The following OXSR1 variants were observed in gnomAD, a reference collection of about 807,000 sequenced individuals.
OXSR1 encodes the protein oxidative stress responsive kinase 1, also known as serine/threonine-protein kinase OSR1.
OXSR1 carries 24 observed loss-of-function variants against 79.8 expected under a neutral mutation model. The observed-to-expected ratio is 0.30, with a 90% CI of 0.22 to 0.42. The LOEUF (loss-of-function observed/expected upper bound fraction) is 0.42. Among genes scored for constraint, OXSR1 ranks in the 10% least tolerant of loss-of-function variants. OXSR1 has a pLI of 1.00. For missense variants in OXSR1, 430 were observed against 618.4 expected, an observed-to-expected ratio of 0.70 and a Z score of 3.23; for synonymous variants, 226 against 209.2, an observed-to-expected ratio of 1.08 and a Z score of -0.69.
intron 3 of OXSR1, 115 bp downstream of exon 3, chr3:38,190,954 G>A: frequency 1.5e-6 from 1 of 672,216 alleles, no homozygotes; most frequent in Non-Finnish European, 2.7e-6. Flanking sequence ...AGGAGATACT[G>A]AAAATATAGT....
chr3:38,192,384 G>A (rs1702000472), intron 3 of OXSR1, among the ~76,000 whole-genome samples: 1 of 152,038 alleles, frequency 6.6e-6, no homozygotes, highest in South Asian at 2.1e-4. Flanking sequence ...TTTTTCCTCG[G>A]GAATGGTACT....
Position 38,241,814 on chromosome 3 carries a change from T to TA in OXSR1, c.1075-921dup, listed in dbSNP as rs1206939674. On this transcript the variant is annotated intron_variant, in intron 11 of 17. Transcript: ENST00000311806. ...TTACAAAGTTGTTTGTTTTTTTTTT[T>TA]AAAAAAAAGGTTTTGGGTTGGTCAC... 9.3e-5 allele frequency among the ~76,000 whole-genome samples: 14 copies of TA among 151,034 alleles called. No individual in the cohort carries two copies. The East Asian group carries it at 1.4e-3, about 15-fold the overall frequency.
chr3:38,236,150 CATGTT>C (rs1381867146), intron 10 of OXSR1, among the ~76,000 whole-genome samples: 7 of 152,248 alleles, frequency 4.6e-5, no homozygotes, highest in African/African-American at 1.7e-4. Context: ...TATATATAAT[CATGTT>C]ATGTAAACAT....
intron 8 of OXSR1, among the ~76,000 whole-genome samples, chr3:38,225,843 A>G (rs1428293289): frequency 6.6e-6 from 1 of 152,144 alleles, no homozygotes; most frequent in African/African-American, 2.4e-5. Flanking sequence ...CCATGTGAAA[A>G]CTGGAAGTGA....
intron 2 of OXSR1, among the ~76,000 whole-genome samples, chr3:38,184,309 T>C (rs577051993): frequency 3.6e-4 from 55 of 152,038 alleles, no homozygotes; most frequent in African/African-American, 1.3e-3. Context: ...GCTGAAGGAG[T>C]GGGCTGCTGG....
rs1703314669 is a variant in OXSR1, at chr3:38,254,175, A to G, written c.*1284A>G. 1 of 398,852 alleles carries G rather than the reference A, an allele frequency of 2.5e-6. No homozygotes were observed. Among genetic ancestry groups the G allele is most frequent in the Non-Finnish European group, 4.4e-6 (1 of 225,908 alleles). 24.7% of individuals were successfully genotyped at this position (398,852 alleles called of 1,614,324 possible). A position where few individuals can be genotyped will look rare whatever the true frequency, so the allele number is the denominator to read the frequency against. ...ACTCAATCTGGCCTTAAAAAGATACACAAAGATGGGCTGTGGGTCCCTGGA... is the reference window on the plus strand; with the variant it reads ...ACTCAATCTGGCCTTAAAAAGATACGCAAAGATGGGCTGTGGGTCCCTGGA... On this transcript the variant is annotated 3_prime_UTR_variant, in exon 18 of 18. Coordinates refer to ENST00000311806, the MANE Select transcript of OXSR1 (RefSeq NM_005109.3).
intron 1 of OXSR1, among the ~76,000 whole-genome samples, chr3:38,179,398 C>G (rs1193704154): frequency 6.6e-6 from 1 of 152,056 alleles, no homozygotes; most frequent in Non-Finnish European, 1.5e-5. Flanking sequence ...AATTCCTGGA[C>G]TCAAGCAGTC....
chr3:38,170,490 G>GT (rs527654754), intron 1 of OXSR1, among the ~76,000 whole-genome samples: 154 of 149,342 alleles, frequency 1.0e-3, no homozygotes, highest in South Asian at 2.8e-3. Context: ...TTTTTTTCCT[G>GT]TTTTTTTTTA....
intron 11 of OXSR1, among the ~76,000 whole-genome samples, chr3:38,239,959 A>G (rs1025246782): frequency 1.3e-5 from 2 of 152,086 alleles, no homozygotes; most frequent in Non-Finnish European, 2.9e-5. Context: ...CCAGTGCCCA[A>G]TGTCTTGAAA....
At chr3:38,220,894 T>C (rs1374770644) in intron 5 of OXSR1, among the ~76,000 whole-genome samples, 1 of 152,200 alleles carries the variant, frequency 6.6e-6, no homozygotes, top group Admixed American at 6.5e-5. Flanking sequence ...GCAGTCCTCC[T>C]CATCAGTGAC....
chr3:38,200,322 A>G (rs981503536), intron 4 of OXSR1, among the ~76,000 whole-genome samples: 1 of 152,222 alleles, frequency 6.6e-6, no homozygotes, highest in African/African-American at 2.4e-5. Context: ...GGGCTGTGTA[A>G]TGCCCAGTCT....
chr3:38,244,039 T>C (rs1408443425), intron 12 of OXSR1, among the ~76,000 whole-genome samples: 1 of 152,216 alleles, frequency 6.6e-6, no homozygotes, highest in Non-Finnish European at 1.5e-5. Flanking sequence ...AGACTTGAAG[T>C]GTGTCCAATA....
chr3:38,184,467 C>T (rs755284645), intron 2 of OXSR1, among the ~76,000 whole-genome samples: 38 of 151,974 alleles, frequency 2.5e-4, no homozygotes, highest in Non-Finnish European at 4.6e-4. Flanking sequence ...TAAAAGAAGT[C>T]GATAAACTGC....
chr3:38,242,315 G>C (rs1189919347), intron 11 of OXSR1, among the ~76,000 whole-genome samples: 4 of 152,108 alleles, frequency 2.6e-5, no homozygotes, highest in Non-Finnish European at 4.4e-5. Flanking sequence ...TGGCTCAAGA[G>C]TTTTCTCCAT....
At chr3:38,245,937 A>G (rs1703132353) in intron 12 of OXSR1, 138 bp from the exon 13 acceptor site, 2 of 691,600 alleles carry the variant, frequency 2.9e-6, no homozygotes, top group Middle Eastern at 3.6e-4. Context: ...GAATAGATAT[A>G]TTCGGAGTAG....
At chr3:38,182,047 C>A in intron 1 of OXSR1, among the ~76,000 whole-genome samples, 1 of 152,138 alleles carries the variant, frequency 6.6e-6, no homozygotes, top group Non-Finnish European at 1.5e-5. Context: ...TTTAATTCTT[C>A]TCTTTTAATA....
At chr3:38,208,849 C>T (rs1401951750) in intron 4 of OXSR1, among the ~76,000 whole-genome samples, 2 of 152,172 alleles carry the variant, frequency 1.3e-5, no homozygotes, top group African/African-American at 4.8e-5. Context: ...TTGCAGTGAG[C>T]TGAGATTGCG....
chr3:38,208,360 T>C (rs1014819336), intron 4 of OXSR1, among the ~76,000 whole-genome samples: 1 of 152,148 alleles, frequency 6.6e-6, no homozygotes, highest in Non-Finnish European at 1.5e-5. Context: ...AAGTAGAAAA[T>C]ATCATTAAGT....
intron 11 of OXSR1, among the ~76,000 whole-genome samples, chr3:38,241,829 G>T (rs1575370817): frequency 6.8e-6 from 1 of 146,700 alleles, no homozygotes. Flanking sequence ...AAAAGGTTTT[G>T]GGTTGGTCAC....
Sources: gnomAD v4.1 joint callset for allele counts (sites outside exome capture counted in the v4.1 genomes callset) on GRCh38, gnomAD v4.1.1 for gene constraint, MANE v1.5 for transcripts, NCBI Gene and HGNC (gene_info 2026-07-23, HGNC 2026-07-21) for gene names.